LDLRAD2: variants seen among roughly 807,000 people sequenced by gnomAD.
The protein encoded by LDLRAD2 is low density lipoprotein receptor class A domain containing 2, also known as low-density lipoprotein receptor class A domain-containing protein 2.
LDLRAD2 carries 25 observed loss-of-function variants against 24.9 expected under a neutral mutation model. The ratio of observed to expected loss-of-function variants is 1.00; its 90% CI spans 0.73 to 1.40. LDLRAD2 has a LOEUF of 1.40. LDLRAD2 is among the 40% of genes most tolerant of loss of function. The pLI is 0.00. For missense variants in LDLRAD2, 391 were observed against 366.2 expected, an observed-to-expected ratio of 1.07 and a Z score of -0.55; for synonymous variants, 182 against 166.7, an observed-to-expected ratio of 1.09 and a Z score of -0.71.
At chr1:21,816,605 A>G (rs1234533687) in intron 3 of LDLRAD2, among the ~76,000 whole-genome samples, 1 of 152,150 alleles carries the variant, frequency 6.6e-6, no homozygotes, top group African/African-American at 2.4e-5. Flanking sequence ...AGGGACCAGA[A>G]CAAATCACCC....
chr1:21,817,671 C>T (rs561429156), intron 3 of LDLRAD2, among the ~76,000 whole-genome samples: 5 of 152,096 alleles, frequency 3.3e-5, no homozygotes, highest in Admixed American at 2.6e-4. Flanking sequence ...GAAGATAGTA[C>T]AGAAAATTCT....
rs1230087158 is a variant in LDLRAD2 at position 21,823,808 on chromosome 1, C to T, written c.*1593C>T. ...GAGTCCCCTCCCTCTGATATCGAGACTCCAGACTCAGAAGTCTGTCCCTGT... is the reference window on the plus strand; with the variant it reads ...GAGTCCCCTCCCTCTGATATCGAGATTCCAGACTCAGAAGTCTGTCCCTGT... On this transcript the variant is annotated 3_prime_UTR_variant, in exon 5 of 5. Transcript: ENST00000344642. 2 of 998,046 alleles carry T rather than the reference C, an allele frequency of 2.0e-6. No homozygotes were observed. The highest frequency in any genetic ancestry group is 3.1e-6 in the Non-Finnish European group (2 of 635,480). The allele number at this position is 998,046 out of a possible 1,614,324, so 61.8% of individuals were successfully genotyped here. A position where few individuals can be genotyped will look rare whatever the true frequency, so the allele number is the denominator to read the frequency against.
At chr1:21,822,138 G>A (rs1027988185) in intron 4 of LDLRAD2, 64 bp from the exon 5 acceptor site, 24 of 1,613,328 alleles carry the variant, frequency 1.5e-5, no homozygotes, top group Non-Finnish European at 1.9e-5. Context: ...TGGGGGCCTC[G>A]CTGATCCCAA....
intron 4 of LDLRAD2, 188 bp from the exon 5 acceptor site, chr1:21,822,014 T>C: frequency 1.4e-6 from 2 of 1,433,236 alleles, no homozygotes; most frequent in Non-Finnish European, 1.8e-6. Context: ...GTCAGACTCT[T>C]TGGGTTCTAA....
rs769283573 is a variant in LDLRAD2 at position 21,816,083 on chromosome 1, G to A, written c.643+9G>A. On this transcript the variant is annotated intron_variant, in intron 3 of 4. Transcript: ENST00000344642. ...ACCAGCTGACTGCAGAGGTCAGTGC[G>A]GGGTGTGGACTGGGCCCTACTGAAC... 42 of 1,611,960 alleles carry A rather than the reference G, an allele frequency of 2.6e-5. No homozygotes were observed. In the East Asian group the frequency reaches 6.5e-4, roughly 25 times the overall value.
rs759548465 is a variant in LDLRAD2, at chr1:21,814,591, C to T, written c.279C>T (p.Pro93=). The T allele has an allele frequency of 1.2e-6, 2 of 1,611,798 alleles. No homozygotes were observed. Among genetic ancestry groups the T allele is most frequent in the African/African-American group, 1.3e-5 (1 of 74,980 alleles). The part of the protein sequence containing the change: ...FFLVYSLTPA[P]PALNTSSPAP... ...TGGTCTACAGCCTGACCCCCGCGCCCCCGGCGCTCAACACCTCCTCCCCGG... is the reference window on the plus strand; with the variant it reads ...TGGTCTACAGCCTGACCCCCGCGCCTCCGGCGCTCAACACCTCCTCCCCGG... Residue 93 remains proline, a synonymous_variant, in exon 2 of 5, where the codon CCC becomes CCT. Transcript: ENST00000344642.
At chr1:21,816,694 G>A (rs2097944325) in intron 3 of LDLRAD2, among the ~76,000 whole-genome samples, 1 of 152,122 alleles carries the variant, frequency 6.6e-6, no homozygotes, top group Non-Finnish European at 1.5e-5. Context: ...AGGTAGGGCT[G>A]CCATGTACAG....
chr1:21,823,556 G>C lies in LDLRAD2; in HGVS notation c.*1341G>C, dbSNP rs1557661994. On this transcript the variant is annotated 3_prime_UTR_variant, in exon 5 of 5. Coordinates refer to ENST00000344642, the MANE Select transcript of LDLRAD2 (RefSeq NM_001013693.3). Reference sequence around the variant, plus strand: ...CCAGGAGGCGAGGAAGGCTGGGCGAGCTCTAGCCCTAAGGGAGTGCCGTTC... The same window carrying C: ...CCAGGAGGCGAGGAAGGCTGGGCGACCTCTAGCCCTAAGGGAGTGCCGTTC... 6.2e-7 allele frequency: 1 copy of C among 1,608,568 alleles called. No individual in the cohort carries two copies. Among genetic ancestry groups the C allele is most frequent in the Non-Finnish European group, 8.5e-7 (1 of 1,176,222 alleles).
Position 21,815,958 on chromosome 1 carries a change from A to G in LDLRAD2, c.527A>G (p.Tyr176Cys), listed in dbSNP as rs200011933. 2.5e-5 allele frequency: 41 copies of G among 1,613,966 alleles called. No homozygotes were observed. The highest frequency in any genetic ancestry group is 4.4e-5 in the South Asian group (4 of 91,078). Residue 176 changes from tyrosine (Y) to cysteine (C), a missense_variant, in exon 3 of 5, where the codon TAC becomes TGC. Transcript: ENST00000344642. ...TSFRLGPCGA[Y>C]FRCQNGRCIP... ...CTGGCCTCAGGACCTTGTGGTGCCT[A>G]CTTCCGCTGCCAGAATGGCAGGTGC...
rs1277356083 is a variant in LDLRAD2, at chr1:21,814,967, A to G, written c.511+144A>G. Reference sequence around the variant, plus strand: ...CACAAGATGGCAGGGACTGGGTCCAACGGGAGGGAAGAAGGTGGTGGCTAG... The same window carrying G: ...CACAAGATGGCAGGGACTGGGTCCAGCGGGAGGGAAGAAGGTGGTGGCTAG... On this transcript the variant is annotated intron_variant, in intron 2 of 4. Coordinates refer to ENST00000344642, the MANE Select transcript of LDLRAD2 (RefSeq NM_001013693.3). 5.2e-6 allele frequency: 4 copies of G among 772,054 alleles called. No homozygotes were observed. The East Asian group carries it at 1.3e-4, about 25-fold the overall frequency. The allele number at this position is 772,054 out of a possible 1,614,324, so 47.8% of individuals were successfully genotyped here.
In LDLRAD2 at chr1:21,824,457, T is replaced by TC; in HGVS notation, c.*2248dup. On this transcript the variant is annotated 3_prime_UTR_variant, in exon 5 of 5. Coordinates refer to ENST00000344642, the MANE Select transcript of LDLRAD2 (RefSeq NM_001013693.3). The surrounding 1 kb of genome is among the most constrained non-coding windows in gnomAD (Gnocchi z 5.9). ...GAGGCCAGGGGGCTCTGCTTTCCCC[T>TC]CCCCCCACCACTCCGGCCACCAGGA... 1 of 1,593,294 alleles carries TC rather than the reference T, an allele frequency of 6.3e-7. No homozygotes were observed. Among genetic ancestry groups the TC allele is most frequent in the Admixed American group, 1.7e-5 (1 of 59,912 alleles).
At chr1:21,820,584 G>A (rs4654770) in intron 3 of LDLRAD2, among the ~76,000 whole-genome samples, 20,943 of 150,720 alleles carry the variant, frequency 0.14, 1,785 homozygotes, top group South Asian at 0.3. Flanking sequence ...ACCAACATGC[G>A]TAATTTTTCT....
intron 3 of LDLRAD2, among the ~76,000 whole-genome samples, chr1:21,818,823 T>C: frequency 6.6e-6 from 1 of 152,064 alleles, no homozygotes; most frequent in East Asian, 1.9e-4. Context: ...CTGCACGATC[T>C]GGCCCTGCCC....
intron 4 of LDLRAD2, 37 bp from the exon 5 acceptor site, chr1:21,822,165 C>G (rs2097953286): frequency 6.2e-7 from 1 of 1,613,966 alleles, no homozygotes; most frequent in Admixed American, 1.7e-5. Flanking sequence ...TTGCTTCACC[C>G]CCAGATCTCA....
In LDLRAD2 at chr1:21,822,232, T is replaced by A; in HGVS notation, c.*17T>A. 1 of 1,612,080 alleles carries A rather than the reference T, an allele frequency of 6.2e-7. No individual in the cohort carries two copies. The highest frequency in any genetic ancestry group is 8.5e-7 in the Non-Finnish European group (1 of 1,178,258). ...ACTGAGTGAAGCCCTCATCAAAGACTCAGGAGGCCCCTGGCGGGGATAGCA... is the reference window on the plus strand; with the variant it reads ...ACTGAGTGAAGCCCTCATCAAAGACACAGGAGGCCCCTGGCGGGGATAGCA... On this transcript the variant is annotated 3_prime_UTR_variant, in exon 5 of 5. Transcript: ENST00000344642.
intron 3 of LDLRAD2, among the ~76,000 whole-genome samples, chr1:21,819,441 G>T (rs954909926): frequency 1.7e-4 from 26 of 151,608 alleles, no homozygotes; most frequent in African/African-American, 5.6e-4. Context: ...TTCCTGTACA[G>T]CCTGCAGAAC....
In LDLRAD2 at chr1:21,821,576, G is replaced by A. The variant is rs1427184594; in HGVS notation, c.770G>A (p.Gly257Asp). 1 of 1,613,954 alleles carries A rather than the reference G, an allele frequency of 6.2e-7. No individual in the cohort carries two copies. Among genetic ancestry groups the A allele is most frequent in the Non-Finnish European group, 8.5e-7 (1 of 1,180,020 alleles). The change falls in exon 4 of 5, where the codon GGC becomes GAC. Residue 257 changes from glycine to aspartate, a missense_variant. Gly to Asp is a moderately conservative substitution (Grantham distance 94). Coordinates refer to ENST00000344642, the MANE Select transcript of LDLRAD2 (RefSeq NM_001013693.3). ...WIAAERSSPA[G>D]RDPTRQDAAL... ...GCAGCTGAGAGGAGTTCCCCAGCAG[G>A]CAGGGACCCCACGAGACAAGACGCA...
Position 21,823,246 on chromosome 1 carries a change from T to A in LDLRAD2, c.*1031T>A. On this transcript the variant is annotated 3_prime_UTR_variant, in exon 5 of 5. Transcript: ENST00000344642. ...TTTCTTACAAAAATTCATAATAATA[T>A]TAATAATAATATACTCGACATTGTC... 7.7e-7 allele frequency: 1 copy of A among 1,293,536 alleles called. No homozygotes were observed. The highest frequency in any genetic ancestry group is 1.0e-6 in the Non-Finnish European group (1 of 980,240). 80.1% of individuals were successfully genotyped at this position (1,293,536 alleles called of 1,614,324 possible). A position where few individuals can be genotyped will look rare whatever the true frequency, so the allele number is the denominator to read the frequency against.
chr1:21,816,160 TG>T, intron 3 of LDLRAD2, 86 bp downstream of exon 3: 4 of 1,532,568 alleles, frequency 2.6e-6, no homozygotes, highest in Non-Finnish European at 3.5e-6. Context: ...AGGGCCCCGA[TG>T]GGGAGGCAGG....
Sources: allele counts gnomAD v4.1 joint callset (sites outside exome capture counted in the v4.1 genomes callset), GRCh38; gene constraint gnomAD v4.1.1; non-coding constraint Gnocchi (gnomAD v3.1); transcripts MANE v1.5; gene names NCBI Gene and HGNC (gene_info 2026-07-23, HGNC 2026-07-21).